PTPRD: variants seen among roughly 807,000 people sequenced by gnomAD.
The protein encoded by PTPRD is protein tyrosine phosphatase receptor type D, also known as receptor-type tyrosine-protein phosphatase delta.
A neutral mutation model predicts 214.5 loss-of-function variants in PTPRD; 34 were observed. The ratio of observed to expected loss-of-function variants is 0.16; its 90% confidence interval spans 0.12 to 0.21. PTPRD has a LOEUF of 0.21. Among genes scored for constraint, PTPRD ranks in the 10% least tolerant of loss-of-function variants. The pLI, the probability that PTPRD is intolerant of heterozygous loss-of-function variation, is 1.00. For synonymous variants in PTPRD, 1,128 were observed against 845.7 expected (o/e 1.33, Z -5.79); for missense variants, 2,545 against 2,398.7 (o/e 1.06, Z -1.27).
chr9:8,585,160 G>A (rs978874871), intron 14 of PTPRD, among the ~76,000 whole-genome samples: 7 of 152,046 alleles, frequency 4.6e-5, no homozygotes, highest in Admixed American at 2.0e-4. Flanking sequence ...AATTTTCAAC[G>A]TAGATCTTCA....
chr9:10,327,173 A>G (rs1853453), intron 3 of PTPRD, among the ~76,000 whole-genome samples: 4,390 of 46,376 alleles, frequency 0.095, 122 homozygotes, highest in African/African-American at 0.37. Flanking sequence ...ATGTGTGTGT[A>G]TATATATATA....
At chr9:9,336,898 CTAT>C (rs1268131471) in intron 9 of PTPRD, among the ~76,000 whole-genome samples, 3 of 152,108 alleles carry the variant, frequency 2.0e-5, no homozygotes, top group East Asian at 3.9e-4. Flanking sequence ...ACTTCGACAG[CTAT>C]TATTATGCTG....
intron 9 of PTPRD, among the ~76,000 whole-genome samples, chr9:9,322,505 C>T (rs553087638): frequency 1.3e-5 from 2 of 152,258 alleles, no homozygotes; most frequent in Non-Finnish European, 2.9e-5. Context: ...CTATACCATG[C>T]TACTTCTCAT....
chr9:9,432,095 A>G (rs2083427135), intron 8 of PTPRD, among the ~76,000 whole-genome samples: 1 of 149,818 alleles, frequency 6.7e-6, no homozygotes, highest in South Asian at 2.1e-4. Context: ...TAATAAAAGA[A>G]ACACTGAAAC....
chr9:10,481,345 T>A (rs191325802), intron 2 of PTPRD, among the ~76,000 whole-genome samples: 41 of 152,302 alleles, frequency 2.7e-4, no homozygotes, highest in Admixed American at 1.3e-4. Context: ...CCTATTGGAT[T>A]TTTTATGGAG....
chr9:8,651,378 C>T (rs973118605), intron 12 of PTPRD, among the ~76,000 whole-genome samples: 1 of 152,072 alleles, frequency 6.6e-6, no homozygotes, highest in South Asian at 2.1e-4. Flanking sequence ...TAGATGATAA[C>T]CCAAGGCCAT....
At chr9:9,539,654 C>A (rs1187957497) in intron 8 of PTPRD, among the ~76,000 whole-genome samples, 2 of 151,762 alleles carry the variant, frequency 1.3e-5, no homozygotes, top group Non-Finnish European at 2.9e-5. Flanking sequence ...ATAAAATATA[C>A]AAGTAAAATA....
intron 12 of PTPRD, among the ~76,000 whole-genome samples, chr9:8,724,416 C>T (rs1284596190): frequency 6.6e-6 from 1 of 152,162 alleles, no homozygotes; most frequent in Non-Finnish European, 1.5e-5. Context: ...GTCCCTTGTA[C>T]CACATCTACT....
At position 9,637,981 on chromosome 9, in the gene PTPRD, C is replaced by G. The variant is rs547796661; in HGVS notation, c.-286-63200G>C. Among the ~76,000 whole-genome samples, 6 of 152,288 alleles carry G rather than the reference C, an allele frequency of 3.9e-5. No individual in the cohort carries two copies. The South Asian group carries it at 1.2e-3, about 32-fold the overall frequency. Reference sequence around the variant, plus strand: ...AGGTTACAGCTCATGCCTTAGGTCCCTGGCCCTCACCCCAAAGGCCCTGGC... The same window carrying G: ...AGGTTACAGCTCATGCCTTAGGTCCGTGGCCCTCACCCCAAAGGCCCTGGC... On this transcript the variant is annotated intron_variant, in intron 7 of 45. Coordinates refer to ENST00000381196, the MANE Select transcript of PTPRD (RefSeq NM_002839.4).
At chr9:9,063,049 G>A (rs1427455311) in intron 10 of PTPRD, among the ~76,000 whole-genome samples, 1 of 152,070 alleles carries the variant, frequency 6.6e-6, no homozygotes, top group African/African-American at 2.4e-5. Context: ...TATGTCTAAG[G>A]TTTTCCTATT....
chr9:9,943,326 A>G (rs1335543122), intron 4 of PTPRD, among the ~76,000 whole-genome samples: 1 of 152,112 alleles, frequency 6.6e-6, no homozygotes, highest in Non-Finnish European at 1.5e-5. Context: ...TTTCCCCTGT[A>G]CAGTAGTCAG....
rs566076225 is a variant in PTPRD, at chr9:10,298,054, G to C, written c.-545+42909C>G. Among the ~76,000 whole-genome samples, 9 of 152,182 alleles carry C rather than the reference G, an allele frequency of 5.9e-5. 1 individual carries two copies. Among genetic ancestry groups the C allele is most frequent in the Non-Finnish European group, 1.3e-4 (9 of 67,988 alleles). Reference sequence around the variant, plus strand: ...AGTAACAAAATATATGCAAAACATAGAAATTGGCAGTCCAAGGTTATCCTT... The same window carrying C: ...AGTAACAAAATATATGCAAAACATACAAATTGGCAGTCCAAGGTTATCCTT... On this transcript the variant is annotated intron_variant, in intron 3 of 45. Transcript: ENST00000381196.
Position 8,694,084 on chromosome 9 carries a change from A to T in PTPRD, c.64+39696T>A, listed in dbSNP as rs190329458. ...TAAATAATCAGGTAAATCTCTGAAT[A>T]TCTTACCTAGATGTGAAAACATGAT... On this transcript the variant is annotated intron_variant, in intron 12 of 45. Transcript: ENST00000381196. 1.1e-3 allele frequency among the ~76,000 whole-genome samples: 174 copies of T among 152,354 alleles called. 1 individual carries two copies. Among genetic ancestry groups the T allele is most frequent in the African/African-American group, 3.9e-3 (164 of 41,584 alleles).
intron 11 of PTPRD, among the ~76,000 whole-genome samples, chr9:8,839,869 A>C (rs1309102981): frequency 6.6e-6 from 1 of 152,222 alleles, no homozygotes; most frequent in Admixed American, 6.5e-5. Flanking sequence ...AGTTATGATG[A>C]GGCAAGGTTG....
intron 7 of PTPRD, among the ~76,000 whole-genome samples, chr9:9,710,896 T>C (rs1403286455): frequency 6.6e-6 from 1 of 152,190 alleles, no homozygotes; most frequent in Non-Finnish European, 1.5e-5. Context: ...CCGTGATTTG[T>C]ATGGAATTTG....
chr9:10,167,468 C>T (rs1021263144), intron 3 of PTPRD, among the ~76,000 whole-genome samples: 1 of 152,112 alleles, frequency 6.6e-6, no homozygotes, highest in South Asian at 2.1e-4. Context: ...TTACAAAGTA[C>T]AGGAGATCCA....
intron 3 of PTPRD, among the ~76,000 whole-genome samples, chr9:10,273,384 G>A (rs972520655): frequency 1.4e-4 from 22 of 151,994 alleles, no homozygotes; most frequent in Admixed American, 3.3e-4. Flanking sequence ...TAAGAAAATT[G>A]TTTTAATACC....
intron 14 of PTPRD, among the ~76,000 whole-genome samples, chr9:8,547,873 T>C (rs2080729747): frequency 6.6e-6 from 1 of 152,180 alleles, no homozygotes. Context: ...TAAATAGCAG[T>C]GTATTATTTG....
chr9:8,805,794 G>C (rs901877766), intron 11 of PTPRD, among the ~76,000 whole-genome samples: 1 of 151,214 alleles, frequency 6.6e-6, no homozygotes, highest in Non-Finnish European at 1.5e-5. Context: ...AGGAGATCGA[G>C]ACCATCCTGG....
Sources: allele counts gnomAD v4.1 joint callset (sites outside exome capture counted in the v4.1 genomes callset), GRCh38; gene constraint gnomAD v4.1.1; transcripts MANE v1.5; gene names NCBI Gene and HGNC (gene_info 2026-07-23, HGNC 2026-07-21).